Variants in THOC7 observed in about 807,000 individuals in gnomAD.
THOC7 encodes NIF3L1-binding protein 1.
THOC7 carries 22 observed loss-of-function variants against 33.1 expected under a neutral mutation model. The observed-to-expected ratio is 0.66, with a 90% confidence interval of 0.47 to 0.95. The LOEUF (loss-of-function observed/expected upper bound fraction) is 0.95. THOC7 is among the 40% of genes least tolerant of loss of function. THOC7 has a pLI of 0.00. For missense variants in THOC7, 184 were observed against 245.3 expected (o/e 0.75, Z 1.67); for synonymous variants, 77 against 76.8 (o/e 1.00, Z -0.01).
In THOC7 at chr3:63,836,374, ATATT is replaced by A; in HGVS notation, c.353-20_353-17del. 6.2e-7 allele frequency: 1 copy of A among 1,610,512 alleles called. No individual in the cohort carries two copies. The highest frequency in any genetic ancestry group is 8.5e-7 in the Non-Finnish European group (1 of 1,178,032). ...GCATCATATTCTGTAAGACATAAAAATATTTATCAAACTAAGGATTTTTTGAATG... is the reference window on the plus strand; with the variant it reads ...GCATCATATTCTGTAAGACATAAAAATATCAAACTAAGGATTTTTTGAATG... On this transcript the variant is annotated splice_polypyrimidine_tract_variant and intron_variant, in intron 4 of 7. Coordinates refer to ENST00000295899, the MANE Select transcript of THOC7 (RefSeq NM_025075.4).
chr3:63,843,470 C>A (rs1701813107), intron 1 of THOC7, among the ~76,000 whole-genome samples: 1 of 152,176 alleles, frequency 6.6e-6, no homozygotes, highest in Non-Finnish European at 1.5e-5. Flanking sequence ...CCAGCAATCC[C>A]ACTACTGGTT....
At chr3:63,835,603 G>T (rs1048386602) in intron 5 of THOC7, among the ~76,000 whole-genome samples, 1 of 151,924 alleles carries the variant, frequency 6.6e-6, no homozygotes, top group Non-Finnish European at 1.5e-5. Context: ...TTACATTTTT[G>T]GATCCATTTT....
rs553062810 is a variant in THOC7 at position 63,847,934 on chromosome 3, TG to T, written c.20-8162del. ...AAACTAGTTTAGGCCATGATGGGAA[TG>T]GGGGTGGGGTCAGAATGCCTCATTA... On this transcript the variant is annotated intron_variant, in intron 1 of 7. Transcript: ENST00000295899. 3.3e-5 allele frequency among the ~76,000 whole-genome samples: 5 copies of T among 152,154 alleles called. No homozygotes were observed. In the East Asian group the frequency reaches 9.7e-4, roughly 30 times the overall value.
intron 7 of THOC7, 53 bp downstream of exon 7, chr3:63,835,101 G>C: frequency 1.3e-6 from 2 of 1,552,016 alleles, no homozygotes; most frequent in Non-Finnish European, 1.8e-6. Context: ...GTACATCCCT[G>C]GGTCATTTAA....
At chr3:63,858,970 C>A (rs541456433) in intron 1 of THOC7, among the ~76,000 whole-genome samples, 1 of 152,226 alleles carries the variant, frequency 6.6e-6, no homozygotes, top group Non-Finnish European at 1.5e-5. Context: ...ATACGCAGAC[C>A]CAGAGGAATG....
intron 1 of THOC7, chr3:63,860,691 C>G (rs1001551142): frequency 6.6e-6 from 1 of 152,170 alleles, no homozygotes; most frequent in Non-Finnish European, 1.5e-5. Flanking sequence ...GAGGATCACC[C>G]CACTTCTGAC....
chr3:63,834,343 A>G, intron 7 of THOC7, 144 bp from the exon 8 acceptor site: 1 of 759,846 alleles, frequency 1.3e-6, no homozygotes, highest in South Asian at 1.9e-5. Context: ...TTTAAAATTT[A>G]TGTGATAGAC....
At chr3:63,836,233 G>T in intron 5 of THOC7, 68 bp downstream of exon 5, 1 of 1,448,492 alleles carries the variant, frequency 6.9e-7, no homozygotes, top group Non-Finnish European at 9.5e-7. Flanking sequence ...AAAATGAAAT[G>T]CCTACGGTAG....
chr3:63,857,756 C>G (rs781412844), intron 1 of THOC7, among the ~76,000 whole-genome samples: 5 of 152,104 alleles, frequency 3.3e-5, no homozygotes, highest in African/African-American at 1.2e-4. Flanking sequence ...AGGTAAATTA[C>G]GTGCACCAAA....
At chr3:63,838,987 T>C (rs894560875) in intron 2 of THOC7, among the ~76,000 whole-genome samples, 27 of 152,204 alleles carry the variant, frequency 1.8e-4, no homozygotes, top group Non-Finnish European at 1.5e-4. Context: ...TGCTAGAAGT[T>C]TGACACCAGC....
At chr3:63,858,713 C>T (rs1575816440) in intron 1 of THOC7, among the ~76,000 whole-genome samples, 1 of 152,204 alleles carries the variant, frequency 6.6e-6, no homozygotes, top group African/African-American at 2.4e-5. Context: ...AACATCCACA[C>T]TGTTTTTCAG....
chr3:63,851,588 T>G (rs1056843069), intron 1 of THOC7, among the ~76,000 whole-genome samples: 5 of 152,232 alleles, frequency 3.3e-5, no homozygotes, highest in Admixed American at 2.6e-4. Flanking sequence ...TCCGTGGGTA[T>G]AATAATGAAG....
Position 63,835,360 on chromosome 3 carries a change from C to G in THOC7, c.441G>C (p.Glu147Asp). ...CACTTTCTTTAATGTGTGAAAGATGCTCTAATTCTTTTCCCAGAGCCTCTA... is the reference window on the plus strand; with the variant it reads ...CACTTTCTTTAATGTGTGAAAGATGGTCTAATTCTTTTCCCAGAGCCTCTA... ...KELEALGKEL[E>D]HLSHIKESVE... Residue 147 changes from glutamate to aspartate, a missense_variant, in exon 6 of 8, where the codon GAG becomes GAC. Transcript: ENST00000295899. 1 of 1,613,404 alleles carries G rather than the reference C, an allele frequency of 6.2e-7. No homozygotes were observed. The highest frequency in any genetic ancestry group is 1.1e-5 in the South Asian group (1 of 91,024).
At chr3:63,841,349 T>G (rs1234340310) in intron 1 of THOC7, among the ~76,000 whole-genome samples, 4 of 152,228 alleles carry the variant, frequency 2.6e-5, no homozygotes, top group Non-Finnish European at 5.9e-5. Flanking sequence ...TTTTCCTGCA[T>G]GTCTTTGTAG....
intron 1 of THOC7, among the ~76,000 whole-genome samples, chr3:63,852,431 A>G (rs1032177202): frequency 6.6e-6 from 1 of 152,204 alleles, no homozygotes; most frequent in Non-Finnish European, 1.5e-5. Context: ...TTTTTGAACC[A>G]TATGTACTCA....
intron 1 of THOC7, chr3:63,863,379 C>G (rs949637788): frequency 4.9e-5 from 47 of 966,944 alleles, no homozygotes; most frequent in Non-Finnish European, 5.5e-5. Flanking sequence ...TTCGCGGCTC[C>G]TGGGTCCTCA....
At chr3:63,837,873 A>G in intron 4 of THOC7, 103 bp downstream of exon 4, 1 of 957,406 alleles carries the variant, frequency 1.0e-6, no homozygotes, top group Non-Finnish European at 1.5e-6. Context: ...TTTTTAATCC[A>G]GGTTGATTCA....
At chr3:63,862,814 A>G (rs1220325062) in intron 1 of THOC7, among the ~76,000 whole-genome samples, 2 of 152,000 alleles carry the variant, frequency 1.3e-5, no homozygotes, top group African/African-American at 2.4e-5. Context: ...CTTCCTCCCT[A>G]ACCAGATACC....
chr3:63,861,710 A>T (rs1281920235), intron 1 of THOC7: 2 of 152,154 alleles, frequency 1.3e-5, no homozygotes, highest in South Asian at 4.1e-4. Context: ...AAACGTTAGT[A>T]AGTGGCGAGG....
Sources: allele counts gnomAD v4.1 joint callset (sites outside exome capture counted in the v4.1 genomes callset), GRCh38; gene constraint gnomAD v4.1.1; transcripts MANE v1.5; gene names NCBI Gene and HGNC (gene_info 2026-07-23, HGNC 2026-07-21).